The following FBXL17 variants were observed in gnomAD, a reference collection of about 807,000 sequenced individuals.
FBXL17 encodes F-box and leucine rich repeat protein 17.
In FBXL17, 22 loss-of-function variants were observed where a neutral mutation model predicts 66.2. That is an observed-to-expected ratio of 0.33 (90% confidence interval 0.24 to 0.47). The LOEUF (loss-of-function observed/expected upper bound fraction) is 0.47, where lower values mean the gene tolerates loss of function less well. FBXL17 is among the 20% of genes least tolerant of loss of function. The pLI, the probability that FBXL17 is intolerant of heterozygous loss-of-function variation, is 1.00. For missense variants in FBXL17, 878 were observed against 948.2 expected (o/e 0.93, Z 0.97); for synonymous variants, 474 against 400.5 (o/e 1.18, Z -2.19).
chr5:108,363,673 C>G (rs539062425), intron 3 of FBXL17, among the ~76,000 whole-genome samples: 1 of 152,022 alleles, frequency 6.6e-6, no homozygotes, highest in South Asian at 2.1e-4. Context: ...TGACTACGAT[C>G]TTATTCTTTT....
chr5:107,988,317 T>C (rs1753101261), intron 7 of FBXL17, among the ~76,000 whole-genome samples: 1 of 151,954 alleles, frequency 6.6e-6, no homozygotes, highest in Non-Finnish European at 1.5e-5. Context: ...CAGATTAATC[T>C]GGGAACTTAC....
chr5:108,264,993 C>A (rs937749522), intron 4 of FBXL17, among the ~76,000 whole-genome samples: 1 of 151,798 alleles, frequency 6.6e-6, no homozygotes. Flanking sequence ...TTTCTTTTAT[C>A]TGTGATCCAT....
intron 1 of FBXL17, among the ~76,000 whole-genome samples, chr5:108,369,895 T>C (rs1246826088): frequency 6.6e-6 from 1 of 152,024 alleles, no homozygotes; most frequent in Admixed American, 6.6e-5. Context: ...ACCTATACAT[T>C]TAAGAAAGAT....
At chr5:107,919,215 A>G (rs543401384) in intron 7 of FBXL17, among the ~76,000 whole-genome samples, 12 of 152,314 alleles carry the variant, frequency 7.9e-5, no homozygotes, top group Admixed American at 7.8e-4. Flanking sequence ...GGATGACAAC[A>G]CTGGCATCAT....
chr5:108,279,165 G>A (rs1757603524), intron 4 of FBXL17, among the ~76,000 whole-genome samples: 2 of 152,108 alleles, frequency 1.3e-5, no homozygotes, highest in Admixed American at 6.5e-5. Flanking sequence ...CCAACTCAGA[G>A]ACTCGTGAGC....
chr5:108,232,803 AT>A (rs201020194), intron 4 of FBXL17, among the ~76,000 whole-genome samples: 4,547 of 132,892 alleles, frequency 0.034, 513 homozygotes, highest in African/African-American at 0.12. Flanking sequence ...ATATATATAT[AT>A]AATATATACT....
intron 7 of FBXL17, among the ~76,000 whole-genome samples, chr5:108,014,971 T>G (rs143913818): frequency 9.7e-4 from 147 of 152,212 alleles, no homozygotes; most frequent in African/African-American, 3.3e-3. Context: ...CACAACAGTA[T>G]AGGGGAAACT....
At chr5:108,229,346 A>G (rs1755229681) in intron 4 of FBXL17, among the ~76,000 whole-genome samples, 1 of 152,190 alleles carries the variant, frequency 6.6e-6, no homozygotes, top group South Asian at 2.1e-4. Context: ...CCAAAACAGC[A>G]TGGTACTGGT....
At chr5:108,366,115 C>T (rs912310536) in intron 2 of FBXL17, among the ~76,000 whole-genome samples, 4 of 152,024 alleles carry the variant, frequency 2.6e-5, no homozygotes, top group Admixed American at 6.6e-5. Context: ...AACAATACCT[C>T]GCATATAATT....
intron 6 of FBXL17, among the ~76,000 whole-genome samples, chr5:108,160,025 T>C (rs1210148615): frequency 6.6e-6 from 1 of 151,754 alleles, no homozygotes. Context: ...CAAAAAAAAT[T>C]AGAAAAACCT....
intron 7 of FBXL17, among the ~76,000 whole-genome samples, chr5:107,929,969 T>C (rs569979420): frequency 6.6e-6 from 1 of 152,068 alleles, no homozygotes; most frequent in Non-Finnish European, 1.5e-5. Context: ...CAGAAGAAAA[T>C]CTAATGAACC....
At chr5:108,202,270 T>C (rs1326506514) in intron 5 of FBXL17, among the ~76,000 whole-genome samples, 1 of 152,160 alleles carries the variant, frequency 6.6e-6, no homozygotes, top group African/African-American at 2.4e-5. Flanking sequence ...AGTGTGATAC[T>C]GATACCTATT....
chr5:108,233,811 C>T (rs1206230086), intron 4 of FBXL17, among the ~76,000 whole-genome samples: 2 of 152,154 alleles, frequency 1.3e-5, no homozygotes, highest in Non-Finnish European at 2.9e-5. Context: ...CCTAGTAAAG[C>T]TTCAGTTTAG....
At chr5:108,009,232 T>C (rs371944064) in intron 7 of FBXL17, among the ~76,000 whole-genome samples, 7 of 18,994 alleles carry the variant, frequency 3.7e-4, no homozygotes, top group South Asian at 1.7e-3. Flanking sequence ...TATATATATA[T>C]ACAGCTTGGT....
At chr5:108,082,300 C>A (rs1246054021) in intron 6 of FBXL17, among the ~76,000 whole-genome samples, 1 of 151,990 alleles carries the variant, frequency 6.6e-6, no homozygotes, top group Admixed American at 6.6e-5. Flanking sequence ...GGGTTTAAAT[C>A]TCAGCTAGAT....
chr5:108,118,841 C>T (rs1750365897), intron 6 of FBXL17, among the ~76,000 whole-genome samples: 1 of 152,138 alleles, frequency 6.6e-6, no homozygotes, highest in Admixed American at 6.5e-5. Context: ...ACACAGTGAT[C>T]CTTCAGATCT....
rs943351739 is a variant in FBXL17, at chr5:108,382,008, A to T, written c.-317T>A. 1 of 1,139,902 alleles carries T rather than the reference A, an allele frequency of 8.8e-7. No homozygotes were observed. Among genetic ancestry groups the T allele is most frequent in the Non-Finnish European group, 1.1e-6 (1 of 924,580 alleles). The allele number at this position is 1,139,902 out of a possible 1,614,324, so 70.6% of individuals were successfully genotyped here. ...CAGTCCGGGCCCGGCCAGCCGGCTC[A>T]GTCAGTCAGCGGAGCGGCCGGGGAA... On this transcript the variant is annotated 5_prime_UTR_variant, in exon 1 of 9. It removes the in-frame stop codon of an upstream open reading frame in the 5' UTR. Coordinates refer to ENST00000542267, the MANE Select transcript of FBXL17 (RefSeq NM_001163315.3).
chr5:108,167,672 A>C (rs758962212), intron 6 of FBXL17, among the ~76,000 whole-genome samples: 9 of 152,206 alleles, frequency 5.9e-5, no homozygotes, highest in Admixed American at 1.3e-4. Context: ...ACTCCTTACA[A>C]AGCCATGTTT....
At chr5:107,939,280 C>A (rs1661523265) in intron 7 of FBXL17, among the ~76,000 whole-genome samples, 1 of 152,040 alleles carries the variant, frequency 6.6e-6, no homozygotes, top group African/African-American at 2.4e-5. Context: ...AGGTTGAATT[C>A]ATATAATTCT....
Sources: gnomAD v4.1 joint callset for allele counts (sites outside exome capture counted in the v4.1 genomes callset) on GRCh38, gnomAD v4.1.1 for gene constraint, MANE v1.5 for transcripts, NCBI Gene and HGNC (gene_info 2026-07-23, HGNC 2026-07-21) for gene names.